Variants in PEX3 observed in about 807,000 individuals in gnomAD.
PEX3 encodes peroxisomal biogenesis factor 3, also known as peroxin-3.
In PEX3, 30 loss-of-function variants were observed where a neutral mutation model predicts 55.8. That is an observed-to-expected ratio of 0.54 (90% CI 0.40 to 0.73). The LOEUF is 0.73. Among genes scored for constraint, PEX3 ranks in the 30% least tolerant of loss-of-function variants. The pLI is 0.00. For missense variants in PEX3, 351 were observed against 432.8 expected (o/e 0.81, Z 1.68); for synonymous variants, 135 against 148.4 (o/e 0.91, Z 0.66).
intron 9 of PEX3, among the ~76,000 whole-genome samples, chr6:143,478,513 G>T (rs1780183548): frequency 6.6e-6 from 1 of 151,958 alleles, no homozygotes; most frequent in Non-Finnish European, 1.5e-5. Flanking sequence ...TCAAGAAATT[G>T]GAACATAACT....
rs1277451328 is a variant in PEX3 at position 143,487,282 on chromosome 6, A to AT, written c.1039-1860dup. Among the ~76,000 whole-genome samples, 5 of 152,180 alleles carry AT rather than the reference A, an allele frequency of 3.3e-5. No individual in the cohort carries two copies. The highest frequency in any genetic ancestry group is 9.6e-5 in the African/African-American group (4 of 41,452). On this transcript the variant is annotated intron_variant, in intron 11 of 11. Coordinates refer to ENST00000367591, the MANE Select transcript of PEX3 (RefSeq NM_003630.3). The surrounding 1 kb of genome is among the most constrained non-coding windows in gnomAD (Gnocchi z 5.3). ...ATTTGAACAGATTAAAGTCTTTATT[A>AT]TAAAGCTGATATAAGTTAGCTATGA...
Position 143,466,611 on chromosome 6 carries a change from G to A in PEX3, c.288-1511G>A, listed in dbSNP as rs1317077958. ...TATGTAGGGGTTGGTACTATCTTCA[G>A]TTTCAGGCATCTACCGAGGGTCTTC... On this transcript the variant is annotated intron_variant, in intron 3 of 11. Transcript: ENST00000367591. The surrounding 1 kb of genome is among the most constrained non-coding windows in gnomAD (Gnocchi z 5.4). 6.6e-6 allele frequency among the ~76,000 whole-genome samples: 1 copy of A among 151,984 alleles called. No homozygotes were observed. The highest frequency in any genetic ancestry group is 2.4e-5 in the African/African-American group (1 of 41,416).
At chr6:143,478,048 A>T (rs1780177648) in intron 9 of PEX3, among the ~76,000 whole-genome samples, 1 of 152,170 alleles carries the variant, frequency 6.6e-6, no homozygotes, top group Admixed American at 6.5e-5. Context: ...TAACAAAAGG[A>T]TAAAATCTGA....
intron 4 of PEX3, among the ~76,000 whole-genome samples, chr6:143,470,528 AGTCT>A (rs1211749048): frequency 6.6e-6 from 1 of 152,168 alleles, no homozygotes; most frequent in Non-Finnish European, 1.5e-5. Context: ...AGGCTTCCCC[AGTCT>A]TTCTGTACTT....
rs1780249113 is a variant in PEX3 at position 143,482,022 on chromosome 6, A to G, written c.941+2824A>G. ...GAAATCAAAAGCAAATATACTTAAT[A>G]GTAAAACTGGAATGATTTCCATTAA... is the stretch of plus-strand genomic sequence containing the variant. On this transcript the variant is annotated intron_variant, in intron 10 of 11. Coordinates refer to ENST00000367591, the MANE Select transcript of PEX3 (RefSeq NM_003630.3). This position sits in a 1 kb window ranked among gnomAD's most constrained non-coding sequence, Gnocchi z 5.5. 6.6e-6 allele frequency among the ~76,000 whole-genome samples: 1 copy of G among 152,200 alleles called. No individual in the cohort carries two copies. The highest frequency in any genetic ancestry group is 2.4e-5 in the African/African-American group (1 of 41,452).
chr6:143,455,454 A>G (rs1300496921), intron 1 of PEX3, among the ~76,000 whole-genome samples: 2 of 137,706 alleles, frequency 1.5e-5, no homozygotes, highest in East Asian at 4.3e-4. Flanking sequence ...TGACCTCGTG[A>G]TCCGCCCACC....
chr6:143,452,555 A>G (rs1779790843), intron 1 of PEX3, among the ~76,000 whole-genome samples: 1 of 152,208 alleles, frequency 6.6e-6, no homozygotes, highest in African/African-American at 2.4e-5. Context: ...GAAGCAAAAG[A>G]GTATACTTAA....
intron 9 of PEX3, among the ~76,000 whole-genome samples, chr6:143,478,414 A>G (rs186810317): frequency 6.6e-6 from 1 of 152,232 alleles, no homozygotes; most frequent in East Asian, 1.9e-4. Flanking sequence ...CTACTTCAAT[A>G]AAGCCGTTAA....
Position 143,483,705 on chromosome 6 carries a change from A to G in PEX3, c.942-1447A>G, listed in dbSNP as rs1159552705. Among the ~76,000 whole-genome samples the G allele has an allele frequency of 2.0e-5, 3 of 152,174 alleles. No individual in the cohort carries two copies. Among genetic ancestry groups the G allele is most frequent in the Non-Finnish European group, 4.4e-5 (3 of 68,024 alleles). ...TCTTTGACTGGTTTGTGGAAAAGGAATTGGGTAAACAGGGACTGGGGCAGG... is the reference window on the plus strand; with the variant it reads ...TCTTTGACTGGTTTGTGGAAAAGGAGTTGGGTAAACAGGGACTGGGGCAGG... On this transcript the variant is annotated intron_variant, in intron 10 of 11. Transcript: ENST00000367591. This position sits in a 1 kb window ranked among gnomAD's most constrained non-coding sequence, Gnocchi z 4.3.
In PEX3 at chr6:143,488,630, A is replaced by T. The variant is rs1194471365; in HGVS notation, c.1039-513A>T. On this transcript the variant is annotated intron_variant, in intron 11 of 11. Transcript: ENST00000367591. This position sits in a 1 kb window ranked among gnomAD's most constrained non-coding sequence, Gnocchi z 4.9. Reference sequence around the variant, plus strand: ...TAGAAGTTAAAGAAAATGAAGGTGTAATTTTTTTCTTATCTTCACATTCGC... The same window carrying T: ...TAGAAGTTAAAGAAAATGAAGGTGTTATTTTTTTCTTATCTTCACATTCGC... Among the ~76,000 whole-genome samples the T allele has an allele frequency of 2.0e-5, 3 of 152,232 alleles. No individual in the cohort carries two copies. Among genetic ancestry groups the T allele is most frequent in the Non-Finnish European group, 4.4e-5 (3 of 67,968 alleles).
rs1779765483 is a variant in PEX3 at position 143,451,543 on chromosome 6, G to A, written c.73+428G>A. Among the ~76,000 whole-genome samples, 3 of 152,302 alleles carry A rather than the reference G, an allele frequency of 2.0e-5. No homozygotes were observed. The East Asian group carries it at 5.8e-4, about 29-fold the overall frequency. On this transcript the variant is annotated intron_variant, in intron 1 of 11. Transcript: ENST00000367591. This position sits in a 1 kb window ranked among gnomAD's most constrained non-coding sequence, Gnocchi z 4.1. ...AATAATCTAGGGAAGTTACCTATAG[G>A]CTGCACTTCGGGTGGTGGTTAAAGT...
rs759055394 is a variant in PEX3, at chr6:143,453,679, C to T, written c.73+2564C>T. On this transcript the variant is annotated intron_variant, in intron 1 of 11. Coordinates refer to ENST00000367591, the MANE Select transcript of PEX3 (RefSeq NM_003630.3). This position sits in a 1 kb window ranked among gnomAD's most constrained non-coding sequence, Gnocchi z 4.6. ...CATCTTCACACTTTCCTCACTCATG[C>T]GATCCTCTCACCTCAGCCTCCCAAG... is the stretch of plus-strand genomic sequence containing the variant. Among the ~76,000 whole-genome samples, 2 of 152,086 alleles carry T rather than the reference C, an allele frequency of 1.3e-5. No homozygotes were observed. The highest frequency in any genetic ancestry group is 2.4e-5 in the African/African-American group (1 of 41,418).
rs773867704 is a variant in PEX3, at chr6:143,479,030, T to C, written c.819-46T>C. Reference sequence around the variant, plus strand: ...CGTTATTACTGAATTTGTTTTCTCTTCCATTCAGAGTCTAAAAAGTAACTT... The same window carrying C: ...CGTTATTACTGAATTTGTTTTCTCTCCCATTCAGAGTCTAAAAAGTAACTT... On this transcript the variant is annotated intron_variant, in intron 9 of 11. Coordinates refer to ENST00000367591, the MANE Select transcript of PEX3 (RefSeq NM_003630.3). This position sits in a 1 kb window ranked among gnomAD's most constrained non-coding sequence, Gnocchi z 4.6. The C allele has an allele frequency of 7.9e-7, 1 of 1,262,600 alleles. No individual in the cohort carries two copies. The highest frequency in any genetic ancestry group is 1.2e-6 in the Non-Finnish European group (1 of 862,410). The allele number at this position is 1,262,600 out of a possible 1,614,324, so 78.2% of individuals were successfully genotyped here. A position where few individuals can be genotyped will look rare whatever the true frequency, so the allele number is the denominator to read the frequency against.
chr6:143,469,082 C>T (rs1415161531), intron 4 of PEX3, among the ~76,000 whole-genome samples: 2 of 152,124 alleles, frequency 1.3e-5, no homozygotes, highest in Admixed American at 1.3e-4. Flanking sequence ...CATTGATGGA[C>T]ATTTGGGTTG....
intron 1 of PEX3, among the ~76,000 whole-genome samples, chr6:143,452,961 G>T (rs1779795653): frequency 1.3e-5 from 2 of 152,190 alleles, no homozygotes; most frequent in Admixed American, 6.5e-5. Context: ...AGAATGACAA[G>T]AAGACAATTA....
intron 4 of PEX3, 151 bp from the exon 5 acceptor site, chr6:143,470,810 G>T (rs1268764534): frequency 2.0e-5 from 13 of 638,320 alleles, no homozygotes; most frequent in Non-Finnish European, 3.0e-5. Context: ...AGGAGAGACT[G>T]AAATATTTTG....
In PEX3 at chr6:143,459,216, G is replaced by T. The variant is rs192493656; in HGVS notation, c.205G>T (p.Val69Leu). Residue 69 changes from valine (V) to leucine (L), a missense_variant and splice_region_variant, in exon 2 of 12, where the codon GTG (valine) becomes TTG (leucine). By Grantham distance (32) the Val-to-Leu change is conservative. Transcript: ENST00000367591. The surrounding 1 kb of genome is among the most constrained non-coding windows in gnomAD (Gnocchi z 4.2). ...TAACCAGAGGACTTGCAATATGACA[G>T]GTAAGACAGAGAAATATTTATACAT... ...ESNQRTCNMT[V>L]LSMLPTLREA... 1 of 1,611,486 alleles carries T rather than the reference G, an allele frequency of 6.2e-7. No homozygotes were observed. Among genetic ancestry groups the T allele is most frequent in the Non-Finnish European group, 8.5e-7 (1 of 1,177,862 alleles).
chr6:143,451,432 A>T lies in PEX3; in HGVS notation c.73+317A>T, dbSNP rs77827360. Reference sequence around the variant, plus strand: ...CACCATTCTCTTACAGGAACTTTTTAAAAAAAATTCTGCTTTCCTGTGAGA... The same window carrying T: ...CACCATTCTCTTACAGGAACTTTTTTAAAAAAATTCTGCTTTCCTGTGAGA... On this transcript the variant is annotated intron_variant, in intron 1 of 11. Coordinates refer to ENST00000367591, the MANE Select transcript of PEX3 (RefSeq NM_003630.3). This position sits in a 1 kb window ranked among gnomAD's most constrained non-coding sequence, Gnocchi z 4.1. Among the ~76,000 whole-genome samples the T allele has an allele frequency of 0.011, 1,683 of 152,098 alleles. 48 individuals are homozygous for T. The East Asian group carries it at 0.12, about 10-fold the overall frequency.
At position 143,479,853 on chromosome 6, in the gene PEX3, T is replaced by C. The variant is rs2128747542; in HGVS notation, c.941+655T>C. Among the ~76,000 whole-genome samples, 1 of 152,276 alleles carries C rather than the reference T, an allele frequency of 6.6e-6. No homozygotes were observed. Among genetic ancestry groups the C allele is most frequent in the East Asian group, 1.9e-4 (1 of 5,192 alleles). On this transcript the variant is annotated intron_variant, in intron 10 of 11. Coordinates refer to ENST00000367591, the MANE Select transcript of PEX3 (RefSeq NM_003630.3). This position sits in a 1 kb window ranked among gnomAD's most constrained non-coding sequence, Gnocchi z 4.6. ...AGAATTTATACTCTTTAAGGATTTC[T>C]ATTTTGCAGTTTTTTATGTCAAACT... is the stretch of plus-strand genomic sequence containing the variant.
Sources: allele counts gnomAD v4.1 joint callset (sites outside exome capture counted in the v4.1 genomes callset), GRCh38; gene constraint gnomAD v4.1.1; non-coding constraint Gnocchi (gnomAD v3.1); transcripts MANE v1.5; gene names NCBI Gene and HGNC (gene_info 2026-07-23, HGNC 2026-07-21).